PALS1: variants seen among roughly 807,000 people sequenced by gnomAD.
The protein encoded by PALS1 is protein PALS1.
In PALS1, 31 loss-of-function variants were observed where a neutral mutation model predicts 78.9. The observed-to-expected ratio is 0.39, with a 90% CI of 0.30 to 0.53. The LOEUF (loss-of-function observed/expected upper bound fraction) is 0.53. PALS1 is among the 20% of genes least tolerant of loss of function. The pLI, the probability that PALS1 is intolerant of heterozygous loss-of-function variation, is 0.67. For synonymous variants in PALS1, 276 were observed against 270.9 expected (o/e 1.02, Z -0.18); for missense variants, 704 against 826.5 (o/e 0.85, Z 1.82).
rs764316839 is a variant in PALS1, at chr14:67,279,488, A to C, written c.318A>C (p.Thr106=). Residue 106 remains threonine, a synonymous_variant, in exon 3 of 15, where the codon ACA becomes ACC. Coordinates refer to ENST00000261681, the MANE Select transcript of PALS1 (RefSeq NM_022474.4). ...GAATAGATAACCCTATGTTTGATAC[A>C]GAGGAAGGAATTGTCTTAGAAAGTC... is the stretch of plus-strand genomic sequence containing the variant. ...KTGIDNPMFD[T]EEGIVLESPH... is the part of the protein sequence containing the mutation. 1 of 1,583,982 alleles carries C rather than the reference A, an allele frequency of 6.3e-7. No individual in the cohort carries two copies. Among genetic ancestry groups the C allele is most frequent in the African/African-American group, 1.4e-5 (1 of 73,646 alleles).
At chr14:67,274,935 G>A (rs2084475171) in intron 2 of PALS1, among the ~76,000 whole-genome samples, 1 of 152,122 alleles carries the variant, frequency 6.6e-6, no homozygotes, top group Admixed American at 6.5e-5. Flanking sequence ...TCTGTTATTG[G>A]TGTATAAGAA....
rs1833653110 is a variant in PALS1, at chr14:67,333,424, T to A, written c.*468T>A. 1 of 152,758 alleles carries A rather than the reference T, an allele frequency of 6.5e-6. No homozygotes were observed. Among genetic ancestry groups the A allele is most frequent in the Admixed American group, 6.5e-5 (1 of 15,280 alleles). The allele number at this position is 152,758 out of a possible 1,614,324, so 9.5% of individuals were successfully genotyped here. ...TTCTATGCACTGGGCAAGGCAGTAT[T>A]TGCTTAGGAAACTAATTTAGTCATC... is the stretch of plus-strand genomic sequence containing the variant. On this transcript the variant is annotated 3_prime_UTR_variant, in exon 15 of 15. Transcript: ENST00000261681.
chr14:67,306,963 A>G lies in PALS1; in HGVS notation c.1041+3364A>G, dbSNP rs574667134. Among the ~76,000 whole-genome samples, 8 of 152,350 alleles carry G rather than the reference A, an allele frequency of 5.3e-5. No individual in the cohort carries two copies. In the South Asian group the frequency reaches 1.7e-3, roughly 32 times the overall value. ...CCTGATTTATGTTTTGTGATGTTAG[A>G]AATGTGTTTAAGACAGATATACAAA... On this transcript the variant is annotated intron_variant, in intron 8 of 14. Coordinates refer to ENST00000261681, the MANE Select transcript of PALS1 (RefSeq NM_022474.4).
At chr14:67,255,369 T>C (rs941004719) in intron 1 of PALS1, among the ~76,000 whole-genome samples, 5 of 152,212 alleles carry the variant, frequency 3.3e-5, no homozygotes, top group African/African-American at 9.6e-5. Context: ...ATCAGAATCA[T>C]GAACCTGACA....
intron 14 of PALS1, among the ~76,000 whole-genome samples, chr14:67,327,315 GTTTT>G (rs763743243): frequency 1.3e-5 from 2 of 151,858 alleles, no homozygotes; most frequent in Non-Finnish European, 2.9e-5. Context: ...GTAAATGTAT[GTTTT>G]AATTGTATAA....
chr14:67,269,450 C>G (rs1317950579), intron 1 of PALS1, among the ~76,000 whole-genome samples: 1 of 152,046 alleles, frequency 6.6e-6, no homozygotes, highest in Non-Finnish European at 1.5e-5. Flanking sequence ...CAGACTGTTT[C>G]CAATGTGTTA....
At chr14:67,302,675 T>G in intron 7 of PALS1, 104 bp downstream of exon 7, 1 of 905,930 alleles carries the variant, frequency 1.1e-6, no homozygotes, top group Non-Finnish European at 1.5e-6. Context: ...ACTAGATGAT[T>G]TCTAGCCTGA....
At chr14:67,246,990 A>T (rs373685748) in intron 1 of PALS1, among the ~76,000 whole-genome samples, 1 of 150,926 alleles carries the variant, frequency 6.6e-6, no homozygotes, top group African/African-American at 2.4e-5. Flanking sequence ...AGGTAATGTG[A>T]CTCTTCCACT....
At chr14:67,294,435 C>G (rs2084815094) in intron 4 of PALS1, 1 of 151,982 alleles carries the variant, frequency 6.6e-6, no homozygotes, top group Non-Finnish European at 1.5e-5. Context: ...CAATCCAACT[C>G]CCCTGTTTCA....
At position 67,334,007 on chromosome 14, in the gene PALS1, A is replaced by G. The variant is rs2085490491; in HGVS notation, c.*1051A>G. On this transcript the variant is annotated 3_prime_UTR_variant, in exon 15 of 15. Coordinates refer to ENST00000261681, the MANE Select transcript of PALS1 (RefSeq NM_022474.4). ...ATATTAATATTTAATAGATCAACAA[A>G]TGGTCATTGAAAACACTTGTTTAGC... is the stretch of plus-strand genomic sequence containing the variant. 1 of 152,626 alleles carries G rather than the reference A, an allele frequency of 6.6e-6. No homozygotes were observed. Among genetic ancestry groups the G allele is most frequent in the Non-Finnish European group, 1.5e-5 (1 of 68,034 alleles). The allele number at this position is 152,626 out of a possible 1,614,324, so 9.5% of individuals were successfully genotyped here.
intron 8 of PALS1, among the ~76,000 whole-genome samples, chr14:67,306,335 C>T (rs922298002): frequency 6.6e-6 from 1 of 151,768 alleles, no homozygotes; most frequent in African/African-American, 2.4e-5. Flanking sequence ...TCTTTTCCTT[C>T]TTTTCTCTTT....
At chr14:67,322,461 C>G (rs1027438969) in intron 13 of PALS1, among the ~76,000 whole-genome samples, 2 of 152,162 alleles carry the variant, frequency 1.3e-5, no homozygotes, top group Admixed American at 6.5e-5. Context: ...ATACGACTTT[C>G]CTTAATGTGG....
At chr14:67,256,913 C>T (rs1396048573) in intron 1 of PALS1, among the ~76,000 whole-genome samples, 1 of 151,996 alleles carries the variant, frequency 6.6e-6, no homozygotes, top group African/African-American at 2.4e-5. Flanking sequence ...ATTGTGAACC[C>T]AAAATATCTG....
At chr14:67,318,014 A>C (rs541495102) in intron 11 of PALS1, among the ~76,000 whole-genome samples, 10 of 152,328 alleles carry the variant, frequency 6.6e-5, no homozygotes, top group Admixed American at 5.2e-4. Context: ...TCTTATATCA[A>C]GCACCTGGTG....
At position 67,332,866 on chromosome 14, in the gene PALS1, C is replaced by T. The variant is rs139168348; in HGVS notation, c.1938C>T (p.Ser646=). 1.6e-5 allele frequency: 26 copies of T among 1,613,950 alleles called. No individual in the cohort carries two copies. Among genetic ancestry groups the T allele is most frequent in the East Asian group, 6.7e-5 (3 of 44,882 alleles). The change falls in exon 15 of 15, where the codon TCC becomes TCT. Residue 646 remains serine, a synonymous_variant. Transcript: ENST00000261681. ...ACTTTGATACGGCAATTGTGAATTC[C>T]GATCTTGATAAAGCCTATCAGGAAT... is the stretch of plus-strand genomic sequence containing the variant. ...GHYFDTAIVN[S]DLDKAYQELL...
intron 1 of PALS1, among the ~76,000 whole-genome samples, chr14:67,247,962 G>C (rs2084011608): frequency 6.6e-6 from 1 of 152,128 alleles, no homozygotes; most frequent in South Asian, 2.1e-4. Context: ...TGTGCATTCT[G>C]TTAAGGAGGT....
At chr14:67,296,585 CAAAAAA>C (rs374329692) in intron 4 of PALS1, among the ~76,000 whole-genome samples, 1 of 51,024 alleles carries the variant, frequency 2.0e-5, no homozygotes, top group Non-Finnish European at 6.5e-5. Context: ...AACTCTGTCT[CAAAAAA>C]AAAAAAAAAA....
chr14:67,307,781 AT>A (rs1217976884), intron 8 of PALS1, among the ~76,000 whole-genome samples: 2 of 152,216 alleles, frequency 1.3e-5, no homozygotes, highest in African/African-American at 4.8e-5. Flanking sequence ...AGATACAGAA[AT>A]AAAAATTACA....
intron 14 of PALS1, 50 bp from the exon 15 acceptor site, chr14:67,332,730 T>G: frequency 6.5e-7 from 1 of 1,546,822 alleles, no homozygotes; most frequent in Non-Finnish European, 8.8e-7. Context: ...CATCCTATAT[T>G]ATTTGGTTAG....
Sources: gnomAD v4.1 joint callset for allele counts (sites outside exome capture counted in the v4.1 genomes callset) on GRCh38, gnomAD v4.1.1 for gene constraint, MANE v1.5 for transcripts, NCBI Gene and HGNC (gene_info 2026-07-23, HGNC 2026-07-21) for gene names.